Variants in SUMF1 observed in about 807,000 individuals in gnomAD.
SUMF1 encodes sulfatase modifying factor 1.
A neutral mutation model predicts 47.6 loss-of-function variants in SUMF1; 48 were observed. That is an observed-to-expected ratio of 1.01 (90% CI 0.80 to 1.28). SUMF1 has a LOEUF of 1.28. SUMF1 is among the 50% of genes most tolerant of loss of function. The probability of loss-of-function intolerance (pLI) is 0.00; values close to 1 mark genes in which losing one functional copy is unlikely to be tolerated. For synonymous variants in SUMF1, 230 were observed against 192.1 expected (o/e 1.20, Z -1.63); for missense variants, 571 against 485.4 (o/e 1.18, Z -1.66).
At chr3:4,404,330 G>T (rs994633605) in intron 7 of SUMF1, among the ~76,000 whole-genome samples, 2 of 152,296 alleles carry the variant, frequency 1.3e-5, no homozygotes, top group Admixed American at 6.5e-5. Context: ...CACTTACTCT[G>T]TATAACTTGT....
At position 4,151,962 on chromosome 3, in the gene SUMF1, T is replaced by C. The variant is rs115372301; in HGVS notation, c.1015-83217A>G. ...TGCTGGATGGTTTCTGAAATCCTGC[T>C]AATGGGAAACAATGACCTTTGTTCC... On this transcript the variant is annotated intron_variant and NMD_transcript_variant, in intron 8 of 12. Coordinates refer to the SUMF1 transcript ENST00000448413. 1.1e-3 allele frequency among the ~76,000 whole-genome samples: 164 copies of C among 151,722 alleles called. 6 individuals are homozygous for C. Among genetic ancestry groups the C allele is most frequent in the African/African-American group, 3.8e-3 (156 of 40,988 alleles).
chr3:4,217,514 T>TTATATATATATATATATATA (rs370463309), intron 8 of SUMF1, among the ~76,000 whole-genome samples: 1 of 45,198 alleles, frequency 2.2e-5, no homozygotes, highest in African/African-American at 1.0e-4. Flanking sequence ...AAAGTATTTT[T>TTATATATATATATATATATA]TATATATATA....
intron 8 of SUMF1, among the ~76,000 whole-genome samples, chr3:4,163,053 C>A (rs1694614623): frequency 6.6e-6 from 1 of 151,698 alleles, no homozygotes; most frequent in South Asian, 2.1e-4. Flanking sequence ...AGAAAAATGC[C>A]CAGTATGGAT....
chr3:4,281,432 C>T (rs969447758), intron 8 of SUMF1, among the ~76,000 whole-genome samples: 1 of 152,132 alleles, frequency 6.6e-6, no homozygotes, highest in Non-Finnish European at 1.5e-5. Context: ...TAAGTTACCT[C>T]ATTTAGTCCT....
rs10667318 is a variant in SUMF1 at position 4,464,412 on chromosome 3, T to TTGTGTG, written c.270+2558_270+2563dup. Among the ~76,000 whole-genome samples, 499 of 150,616 alleles carry TTGTGTG rather than the reference T, an allele frequency of 3.3e-3. 2 individuals carry two copies. Among genetic ancestry groups the TTGTGTG allele is most frequent in the South Asian group, 8.2e-3 (39 of 4,754 alleles). On this transcript the variant is annotated intron_variant, in intron 1 of 8. Coordinates refer to ENST00000272902, the MANE Select transcript of SUMF1 (RefSeq NM_182760.4). ...TACTTATGTGTGTGTCTGTGTGTGT[T>TTGTGTG]TGTGTGTGTGTGTGTGTGTGAGAGA...
intron 8 of SUMF1, among the ~76,000 whole-genome samples, chr3:4,096,580 A>G (rs1692909570): frequency 6.6e-6 from 1 of 152,126 alleles, no homozygotes; most frequent in Non-Finnish European, 1.5e-5. Context: ...TGAAATCAAT[A>G]CTTAAGTAAG....
In SUMF1 at chr3:4,362,047, G is replaced by A; in HGVS notation, c.*97C>T. 8.2e-7 allele frequency: 1 copy of A among 1,225,998 alleles called. No individual in the cohort carries two copies. The highest frequency in any genetic ancestry group is 1.2e-6 in the Non-Finnish European group (1 of 842,518). The allele number at this position is 1,225,998 out of a possible 1,614,324, so 75.9% of individuals were successfully genotyped here. On this transcript the variant is annotated 3_prime_UTR_variant, in exon 9 of 9. Coordinates refer to ENST00000272902, the MANE Select transcript of SUMF1 (RefSeq NM_182760.4). The stretch of plus-strand genomic sequence containing the variant: ...GCAGGTATGTAACCCACCTCAGGGT[G>A]GGAATTCTTTGCATGGGATCGTTCA...
chr3:4,316,474 C>A lies in SUMF1; in HGVS notation c.1014+59856G>T, dbSNP rs1698652652. On this transcript the variant is annotated intron_variant and NMD_transcript_variant, in intron 8 of 12. Coordinates refer to the SUMF1 transcript ENST00000448413. ...ATCATCGAAGCTGATCCCCTTACAA[C>A]TACACGAGAAGTTGCTGAAGAACTC... 3 of 1,604,276 alleles carry A rather than the reference C, an allele frequency of 1.9e-6. No homozygotes were observed. In the Admixed American group the frequency reaches 5.1e-5, roughly 27 times the overall value.
chr3:4,316,166 G>A (rs1559220379), intron 8 of SUMF1: 1 of 622,236 alleles, frequency 1.6e-6, no homozygotes, highest in South Asian at 1.9e-5. Flanking sequence ...ATTTCTTTAT[G>A]TTTTTTTGCT....
chr3:4,079,704 G>C (rs188197297), intron 8 of SUMF1, among the ~76,000 whole-genome samples: 1 of 143,680 alleles, frequency 7.0e-6, no homozygotes, highest in Admixed American at 7.0e-5. Flanking sequence ...TATGCCCTAA[G>C]TACTCAACAT....
At chr3:4,101,657 C>A (rs1693035854) in intron 8 of SUMF1, among the ~76,000 whole-genome samples, 1 of 152,016 alleles carries the variant, frequency 6.6e-6, no homozygotes, top group South Asian at 2.1e-4. Context: ...GTTCTCACTG[C>A]AAAGAACTGA....
At chr3:4,418,460 C>A (rs1481940826) in intron 4 of SUMF1, among the ~76,000 whole-genome samples, 1 of 152,234 alleles carries the variant, frequency 6.6e-6, no homozygotes, top group Non-Finnish European at 1.5e-5. Flanking sequence ...GAGCTTTCAG[C>A]TCCTTTGGGG....
intron 8 of SUMF1, among the ~76,000 whole-genome samples, chr3:4,150,320 G>A (rs1390706244): frequency 6.7e-6 from 1 of 149,266 alleles, no homozygotes; most frequent in East Asian, 1.9e-4. Context: ...CCAGCACTTT[G>A]GGAGGCCGAG....
intron 8 of SUMF1, among the ~76,000 whole-genome samples, chr3:4,322,738 T>C (rs1159127246): frequency 1.3e-5 from 2 of 151,990 alleles, no homozygotes; most frequent in African/African-American, 4.8e-5. Context: ...GCCTCATATA[T>C]TGGTTGGTTG....
At chr3:4,149,694 T>C (rs1413802972) in intron 8 of SUMF1, among the ~76,000 whole-genome samples, 5 of 152,176 alleles carry the variant, frequency 3.3e-5, no homozygotes, top group Non-Finnish European at 5.9e-5. Context: ...GGCCATATAC[T>C]ACTATCTCGA....
chr3:4,314,989 C>T (rs1430591997), intron 8 of SUMF1, among the ~76,000 whole-genome samples: 1 of 152,146 alleles, frequency 6.6e-6, no homozygotes, highest in Non-Finnish European at 1.5e-5. Flanking sequence ...GTGAAATATA[C>T]AGCGTGTGAA....
chr3:4,135,762 G>A (rs1177744002), intron 8 of SUMF1, among the ~76,000 whole-genome samples: 1 of 152,158 alleles, frequency 6.6e-6, no homozygotes, highest in African/African-American at 2.4e-5. Context: ...CAGCTGATAA[G>A]CAACTTCAGC....
rs1553613505 is a variant in SUMF1 at position 4,252,352 on chromosome 3, G to GCGCACACA, written c.1014+123977_1014+123978insTGTGTGCG. Among the ~76,000 whole-genome samples, 325 of 129,670 alleles carry GCGCACACA rather than the reference G, an allele frequency of 2.5e-3. 2 individuals are homozygous for GCGCACACA. Among genetic ancestry groups the GCGCACACA allele is most frequent in the African/African-American group, 8.3e-3 (306 of 37,088 alleles). 85.1% of individuals were successfully genotyped at this position (129,670 alleles called of 152,430 possible). ...GGATTCGCTCCAAATACACACATGCGCACACACACACACACACACACACAC... is the reference window on the plus strand; with the variant it reads ...GGATTCGCTCCAAATACACACATGCGCGCACACACACACACACACACACACACACACAC... On this transcript the variant is annotated intron_variant and NMD_transcript_variant, in intron 8 of 12. Transcript: ENST00000448413.
At position 4,141,175 on chromosome 3, in the gene SUMF1, G is replaced by C. The variant is rs925355452; in HGVS notation, c.1015-72430C>G. 2.0e-5 allele frequency among the ~76,000 whole-genome samples: 3 copies of C among 152,228 alleles called. 1 individual carries two copies. Among genetic ancestry groups the C allele is most frequent in the Non-Finnish European group, 1.5e-5 (1 of 68,020 alleles). On this transcript the variant is annotated intron_variant and NMD_transcript_variant, in intron 8 of 12. Coordinates refer to the SUMF1 transcript ENST00000448413. ...TATTTTCTGCCACAGCATTTTGCAAGGCCATGTGTACTCCTTTCAAATAAA... is the reference window on the plus strand; with the variant it reads ...TATTTTCTGCCACAGCATTTTGCAACGCCATGTGTACTCCTTTCAAATAAA...
Sources: allele counts gnomAD v4.1 joint callset (sites outside exome capture counted in the v4.1 genomes callset), GRCh38; gene constraint gnomAD v4.1.1; transcripts MANE v1.5; gene names NCBI Gene and HGNC (gene_info 2026-07-23, HGNC 2026-07-21).